The following DOCK4 variants were observed in gnomAD, a reference collection of about 807,000 sequenced individuals.
The protein encoded by DOCK4 is dedicator of cytokinesis protein 4.
In DOCK4, 97 loss-of-function variants were observed where a neutral mutation model predicts 268.1. The ratio of observed to expected loss-of-function variants is 0.36; its 90% CI spans 0.31 to 0.43. The LOEUF (loss-of-function observed/expected upper bound fraction) is 0.43. Among genes scored for constraint, DOCK4 ranks in the 20% least tolerant of loss-of-function variants. DOCK4 has a pLI of 1.00. For synonymous variants in DOCK4, 954 were observed against 887.2 expected, an observed-to-expected ratio of 1.08 and a Z score of -1.34; for missense variants, 2,145 against 2,455.7, an observed-to-expected ratio of 0.87 and a Z score of 2.67.
Position 111,728,463 on chromosome 7 carries a change from G to C in DOCK4, c.5739C>G (p.Ser1913Arg). 6.2e-7 allele frequency: 1 copy of C among 1,610,184 alleles called. No homozygotes were observed. Among genetic ancestry groups the C allele is most frequent in the Non-Finnish European group, 8.5e-7 (1 of 1,178,180 alleles). ...GGCGCCGCAGAGTCCGCTCGTAGAC[G>C]CTGTACGGGGGCGGAGTCTTGCTCT... ...RKESKTPPPY[S>R]VYERTLRRPV... The change falls in exon 53 of 53, where the codon AGC becomes AGG. Residue 1913 changes from serine to arginine, a missense_variant. Around this residue, in one of 2 missense-constraint regions of DOCK4, gnomAD observed 547 missense variants for 469.0 expected, o/e 1.17. Coordinates refer to ENST00000428084, the MANE Select transcript of DOCK4 (RefSeq NM_001363540.2).
intron 23 of DOCK4, among the ~76,000 whole-genome samples, chr7:111,862,707 G>T (rs187865399): frequency 6.6e-6 from 1 of 151,858 alleles, no homozygotes; most frequent in Admixed American, 6.6e-5. Context: ...GGCCAGGCTG[G>T]TCTTGAACTC....
chr7:111,856,760 G>A (rs779708136), intron 23 of DOCK4, among the ~76,000 whole-genome samples: 3 of 152,138 alleles, frequency 2.0e-5, no homozygotes, highest in African/African-American at 7.2e-5. Flanking sequence ...AAGAGGAGGG[G>A]TGAGATAAAG....
intron 13 of DOCK4, among the ~76,000 whole-genome samples, chr7:111,910,936 A>G (rs1476098934): frequency 1.3e-5 from 2 of 152,360 alleles, no homozygotes; most frequent in South Asian, 4.1e-4. Context: ...CTGTCTGTAC[A>G]ATAGTGAGAC....
intron 36 of DOCK4, among the ~76,000 whole-genome samples, chr7:111,773,220 T>C (rs1162462837): frequency 6.6e-6 from 1 of 152,136 alleles, no homozygotes; most frequent in Non-Finnish European, 1.5e-5. Context: ...CACAAAAGGC[T>C]GGAAAAGGGT....
At chr7:111,926,164 A>G (rs1377145994) in intron 12 of DOCK4, among the ~76,000 whole-genome samples, 3 of 146,652 alleles carry the variant, frequency 2.0e-5, no homozygotes, top group Non-Finnish European at 4.4e-5. Flanking sequence ...AAAAGAAAGA[A>G]AAAGAAGGAA....
At chr7:112,204,428 C>T (rs1258029975) in intron 1 of DOCK4, among the ~76,000 whole-genome samples, 1 of 152,198 alleles carries the variant, frequency 6.6e-6, no homozygotes, top group African/African-American at 2.4e-5. Flanking sequence ...GGTCCCTCAC[C>T]AGTCCAGCAA....
intron 1 of DOCK4, among the ~76,000 whole-genome samples, chr7:112,154,519 G>A (rs775054486): frequency 9.2e-5 from 14 of 152,072 alleles, no homozygotes; most frequent in Non-Finnish European, 1.9e-4. Flanking sequence ...GTCCTTCCAC[G>A]CTTAACAAGT....
chr7:111,978,856 T>G (rs1798396654), intron 7 of DOCK4, among the ~76,000 whole-genome samples: 1 of 152,232 alleles, frequency 6.6e-6, no homozygotes, highest in South Asian at 2.1e-4. Flanking sequence ...CAAGTAACAC[T>G]GATTCAGGAT....
At chr7:112,139,756 A>G (rs1221480141) in intron 1 of DOCK4, among the ~76,000 whole-genome samples, 1 of 152,228 alleles carries the variant, frequency 6.6e-6, no homozygotes, top group Non-Finnish European at 1.5e-5. Context: ...GACAGAAAAA[A>G]TCATTATCTT....
intron 1 of DOCK4, among the ~76,000 whole-genome samples, chr7:112,004,790 A>C (rs1800719761): frequency 6.6e-6 from 1 of 152,172 alleles, no homozygotes. Flanking sequence ...CCACTTGCAC[A>C]ATACCACTTG....
intron 30 of DOCK4, 42 bp downstream of exon 30, chr7:111,808,779 A>T (rs186697618): frequency 4.5e-4 from 717 of 1,584,192 alleles, no homozygotes; most frequent in Admixed American, 9.4e-4. Context: ...AGGTACAGCG[A>T]GGAGCTGTAT....
intron 49 of DOCK4, among the ~76,000 whole-genome samples, chr7:111,738,174 G>A (rs566875415): frequency 1.3e-5 from 2 of 152,326 alleles, no homozygotes; most frequent in Admixed American, 1.3e-4. Context: ...CTCCTGAAGT[G>A]CCCAAGGGCT....
intron 12 of DOCK4, among the ~76,000 whole-genome samples, chr7:111,929,959 T>C (rs1040756776): frequency 1.3e-5 from 2 of 152,234 alleles, no homozygotes; most frequent in African/African-American, 4.8e-5. Flanking sequence ...TTTCAAGACG[T>C]AGAACTTAAT....
intron 1 of DOCK4, among the ~76,000 whole-genome samples, chr7:112,162,603 T>C (rs879728616): frequency 2.0e-5 from 3 of 150,882 alleles, no homozygotes; most frequent in Non-Finnish European, 3.0e-5. Flanking sequence ...ATCCTAACCA[T>C]GTAAACTTGG....
At chr7:111,900,128 C>A (rs887022392) in intron 15 of DOCK4, among the ~76,000 whole-genome samples, 29 of 152,166 alleles carry the variant, frequency 1.9e-4, no homozygotes, top group African/African-American at 7.0e-4. Flanking sequence ...AGTGGGTTTC[C>A]CCAATCTGTG....
chr7:111,932,422 C>T (rs1233291716), intron 12 of DOCK4, among the ~76,000 whole-genome samples: 1 of 152,070 alleles, frequency 6.6e-6, no homozygotes, highest in Non-Finnish European at 1.5e-5. Flanking sequence ...ACAAGATACA[C>T]CATGGTTACC....
intron 1 of DOCK4, among the ~76,000 whole-genome samples, chr7:112,089,792 G>A (rs983422653): frequency 6.6e-6 from 1 of 152,164 alleles, no homozygotes; most frequent in Non-Finnish European, 1.5e-5. Context: ...CTTCCGCCAT[G>A]ATGAAAGTTT....
intron 1 of DOCK4, among the ~76,000 whole-genome samples, chr7:112,055,835 G>A (rs1805766077): frequency 6.6e-6 from 1 of 151,896 alleles, no homozygotes; most frequent in Non-Finnish European, 1.5e-5. Context: ...TTGAACCTGG[G>A]AGGCAGAGGC....
intron 8 of DOCK4, among the ~76,000 whole-genome samples, chr7:111,946,796 G>C (rs1045393119): frequency 1.3e-5 from 2 of 152,154 alleles, no homozygotes; most frequent in East Asian, 3.9e-4. Context: ...TGGCCAGGCT[G>C]GTCTCGAACT....
Sources: gnomAD v4.1 joint callset for allele counts (sites outside exome capture counted in the v4.1 genomes callset) on GRCh38, gnomAD v4.1.1 for gene constraint, gnomAD v4.1.1 regional missense constraint, MANE v1.5 for transcripts, NCBI Gene and HGNC (gene_info 2026-07-23, HGNC 2026-07-21) for gene names.